Variants in MYBL1 observed in about 807,000 individuals in gnomAD.
The protein encoded by MYBL1 is MYB proto-oncogene like 1.
Under a neutral mutation model 96.3 loss-of-function variants are expected in MYBL1, and 17 were observed. The ratio of observed to expected loss-of-function variants is 0.18; its 90% CI spans 0.12 to 0.26. The LOEUF is 0.26. Ranked by LOEUF, MYBL1 falls within the 10% of genes least tolerant of loss-of-function variation. The pLI is 1.00. For missense variants in MYBL1, 701 were observed against 882.9 expected (o/e 0.79, Z 2.61); for synonymous variants, 282 against 292.7 (o/e 0.96, Z 0.37).
chr8:66,574,458 G>T (rs1808856630), intron 10 of MYBL1, among the ~76,000 whole-genome samples: 1 of 152,168 alleles, frequency 6.6e-6, no homozygotes, highest in African/African-American at 2.4e-5. Flanking sequence ...TATTCACATT[G>T]TAGTCTACAG....
chr8:66,567,105 A>G (rs1808535293), intron 12 of MYBL1, 113 bp from the exon 13 acceptor site: 2 of 652,240 alleles, frequency 3.1e-6, no homozygotes, highest in South Asian at 4.0e-5. Context: ...ATTTTCTCCT[A>G]GCCCCTATAG....
intron 8 of MYBL1, among the ~76,000 whole-genome samples, chr8:66,590,793 T>C (rs998836488): frequency 5.3e-5 from 8 of 152,116 alleles, no homozygotes; most frequent in Admixed American, 5.2e-4. Context: ...GACAGGGAAA[T>C]ATATGTTAAA....
chr8:66,591,159 T>G (rs569033189), intron 8 of MYBL1, among the ~76,000 whole-genome samples: 2 of 152,112 alleles, frequency 1.3e-5, no homozygotes, highest in South Asian at 4.1e-4. Flanking sequence ...TCATCCTGGC[T>G]AACACGGTGA....
At position 66,566,689 on chromosome 8, in the gene MYBL1, T is replaced by A; in HGVS notation, c.1945A>T (p.Met649Leu). 1 of 1,583,952 alleles carries A rather than the reference T, an allele frequency of 6.3e-7. No homozygotes were observed. The highest frequency in any genetic ancestry group is 2.2e-5 in the East Asian group (1 of 44,628). The change falls in exon 14 of 16, where the codon ATG becomes TTG. Residue 649 changes from methionine (M) to leucine (L), a missense_variant. Around this residue, in one of 5 missense-constraint regions of MYBL1, gnomAD observed 137 missense variants for 137.5 expected, o/e 1.00. Transcript: ENST00000522677. ...TQLLTEDISD[M>L]QSENRFTTSL... is the part of the protein sequence containing the mutation. The stretch of plus-strand genomic sequence containing the variant: ...AATAATAATCCTTTACAAACCTGCA[T>A]GTCTGAAATGTCTTCAGTCAACAGT...
At chr8:66,569,962 T>A (rs1808664599) in intron 12 of MYBL1, among the ~76,000 whole-genome samples, 1 of 152,168 alleles carries the variant, frequency 6.6e-6, no homozygotes, top group African/African-American at 2.4e-5. Flanking sequence ...CCAAAGCCAA[T>A]CTCCAAGAAG....
intron 5 of MYBL1, among the ~76,000 whole-genome samples, chr8:66,596,534 A>G (rs1809856261): frequency 6.6e-6 from 1 of 152,152 alleles, no homozygotes; most frequent in Non-Finnish European, 1.5e-5. Flanking sequence ...TGGTTTAATA[A>G]CTTGAATAAA....
intron 11 of MYBL1, 63 bp downstream of exon 11, chr8:66,573,301 G>A (rs1563528798): frequency 4.3e-6 from 6 of 1,402,778 alleles, no homozygotes; most frequent in East Asian, 2.5e-5. Context: ...TGCACAAAAA[G>A]CTAATCTACT....
chr8:66,565,076 T>A (rs1169551063), intron 15 of MYBL1: 2 of 196,744 alleles, frequency 1.0e-5, no homozygotes, highest in Non-Finnish European at 2.0e-5. Flanking sequence ...ATGGAGGCAG[T>A]TTAAAAGTCT....
At chr8:66,605,515 C>G (rs377328499) in intron 1 of MYBL1, among the ~76,000 whole-genome samples, 1 of 152,078 alleles carries the variant, frequency 6.6e-6, no homozygotes, top group African/African-American at 2.4e-5. Flanking sequence ...AAAGGGCAAG[C>G]CTTAATGATA....
chr8:66,580,493 A>G, intron 8 of MYBL1, 127 bp from the exon 9 acceptor site: 1 of 647,352 alleles, frequency 1.5e-6, no homozygotes, highest in Admixed American at 3.0e-5. Flanking sequence ...CAAAATTGGT[A>G]TACTTTTTTC....
chr8:66,605,112 A>T (rs1388132583), intron 1 of MYBL1, among the ~76,000 whole-genome samples: 1 of 152,232 alleles, frequency 6.6e-6, no homozygotes, highest in Non-Finnish European at 1.5e-5. Flanking sequence ...TATATCAAAA[A>T]TATAATCATT....
chr8:66,602,233 T>C (rs1302483434), intron 2 of MYBL1, among the ~76,000 whole-genome samples, 185 bp downstream of exon 2: 1 of 152,032 alleles, frequency 6.6e-6, no homozygotes, highest in African/African-American at 2.4e-5. Context: ...TGTATTTTAG[T>C]AGAGACGGGG....
rs1210561028 is a variant in MYBL1, at chr8:66,597,567, C to A, written c.292-17G>T. ...TTCAATAACCTAGGAAACAGAAAAA[C>A]AAAGTTTAAAAAAGCATTACCTTCA... On this transcript the variant is annotated splice_polypyrimidine_tract_variant and intron_variant, in intron 4 of 15. Transcript: ENST00000522677. 3.3e-6 allele frequency: 5 copies of A among 1,504,206 alleles called. No homozygotes were observed. Among genetic ancestry groups the A allele is most frequent in the Admixed American group, 2.0e-5 (1 of 50,514 alleles). 93.2% of individuals were successfully genotyped at this position (1,504,206 alleles called of 1,614,324 possible). A position where few individuals can be genotyped will look rare whatever the true frequency, so the allele number is the denominator to read the frequency against.
At chr8:66,577,819 T>C (rs910633272) in intron 9 of MYBL1, among the ~76,000 whole-genome samples, 5 of 151,898 alleles carry the variant, frequency 3.3e-5, no homozygotes, top group Non-Finnish European at 5.9e-5. Flanking sequence ...TGCTACCTGA[T>C]TTCAAACTAT....
At chr8:66,606,794 T>G (rs1046945324) in intron 1 of MYBL1, among the ~76,000 whole-genome samples, 9 of 151,948 alleles carry the variant, frequency 5.9e-5, no homozygotes, top group Non-Finnish European at 8.8e-5. Context: ...TGGCTGTTTT[T>G]TTTTTTTCTT....
intron 3 of MYBL1, among the ~76,000 whole-genome samples, chr8:66,601,270 T>C (rs1308839551): frequency 1.3e-5 from 2 of 151,084 alleles, no homozygotes; most frequent in Admixed American, 6.6e-5. Flanking sequence ...AATAGTAGTA[T>C]GGTAAACAAT....
At chr8:66,567,526 A>AGTGTGT (rs111352513) in intron 12 of MYBL1, among the ~76,000 whole-genome samples, 9 of 146,828 alleles carry the variant, frequency 6.1e-5, no homozygotes, top group Admixed American at 2.0e-4. Context: ...AGAGAGAGTG[A>AGTGTGT]GTGTGTGTGT....
At position 66,584,352 on chromosome 8, in the gene MYBL1, G is replaced by A. The variant is rs531470943; in HGVS notation, c.868-3986C>T. 1.6e-4 allele frequency among the ~76,000 whole-genome samples: 24 copies of A among 152,200 alleles called. 1 individual carries two copies. Among genetic ancestry groups the A allele is most frequent in the African/African-American group, 5.8e-4 (24 of 41,530 alleles). On this transcript the variant is annotated intron_variant, in intron 8 of 15. Transcript: ENST00000522677. ...ATTTTCACCACTTCTATTCAACACA[G>A]TACTGGAAGTCCTAGCCAAAACAAT...
chr8:66,611,447 G>A (rs910761930), intron 1 of MYBL1, among the ~76,000 whole-genome samples: 1 of 152,092 alleles, frequency 6.6e-6, no homozygotes, highest in Non-Finnish European at 1.5e-5. Context: ...TCTTTCCTGG[G>A]TGATTTTGTC....
Sources: gnomAD v4.1 joint callset for allele counts (sites outside exome capture counted in the v4.1 genomes callset) on GRCh38, gnomAD v4.1.1 for gene constraint, gnomAD v4.1.1 regional missense constraint, MANE v1.5 for transcripts, NCBI Gene and HGNC (gene_info 2026-07-23, HGNC 2026-07-21) for gene names.